FN3KRP: variants seen among roughly 807,000 people sequenced by gnomAD.
FN3KRP encodes the protein ketosamine-3-kinase.
FN3KRP carries 33 observed loss-of-function variants against 29.8 expected under a neutral mutation model. The observed-to-expected ratio is 1.11, with a 90% CI of 0.84 to 1.48. FN3KRP has a LOEUF of 1.48. FN3KRP is among the 40% of genes most tolerant of loss of function. FN3KRP has a pLI of 0.00. For missense variants in FN3KRP, 430 were observed against 402.6 expected (o/e 1.07, Z -0.58); for synonymous variants, 157 against 155.2 (o/e 1.01, Z -0.09).
rs1409982721 is a variant in FN3KRP at position 82,727,273 on chromosome 17, G to T, written c.*102G>T. ...GCTGGACTAGCTTAAGACCAATGCA[G>T]TAGCTTATTTCCAAGCCTTGCAAAG... is the stretch of plus-strand genomic sequence containing the variant. On this transcript the variant is annotated 3_prime_UTR_variant, in exon 6 of 6. Transcript: ENST00000269373. 2.0e-6 allele frequency: 2 copies of T among 1,019,260 alleles called. No homozygotes were observed. Among genetic ancestry groups the T allele is most frequent in the Non-Finnish European group, 2.9e-6 (2 of 685,590 alleles). 63.1% of individuals were successfully genotyped at this position (1,019,260 alleles called of 1,614,324 possible). A position where few individuals can be genotyped will look rare whatever the true frequency, so the allele number is the denominator to read the frequency against.
Position 82,720,317 on chromosome 17 carries a change from T to C in FN3KRP, c.339T>C (p.Asp113=), listed in dbSNP as rs1182310065. The change falls in exon 3 of 6, where the codon GAT becomes GAC. Residue 113 remains aspartate, a synonymous_variant. Coordinates refer to ENST00000269373, the MANE Select transcript of FN3KRP (RefSeq NM_024619.4). ...LGAQLADLHL[D]NKKLGEMRLK... ...CCCAGCTGGCCGATTTACACCTTGA[T>C]AACAAGAAGCTTGGAGAGATGCGCC... 4 of 1,614,072 alleles carry C rather than the reference T, an allele frequency of 2.5e-6. No homozygotes were observed. Among genetic ancestry groups the C allele is most frequent in the South Asian group, 1.1e-5 (1 of 91,082 alleles).
In FN3KRP at chr17:82,722,957, A is replaced by C. The variant is rs566764496; in HGVS notation, c.468+71A>C. ...TCAGACACACGGGTTGGGGGGACAC[A>C]CCCCCCTCCTTTTTTTGTGAGCTTC... On this transcript the variant is annotated intron_variant, in intron 4 of 5. Coordinates refer to ENST00000269373, the MANE Select transcript of FN3KRP (RefSeq NM_024619.4). 2.4e-5 allele frequency: 32 copies of C among 1,323,888 alleles called. No individual in the cohort carries two copies. In the South Asian group the frequency reaches 4.1e-4, roughly 17 times the overall value. The allele number at this position is 1,323,888 out of a possible 1,614,324, so 82.0% of individuals were successfully genotyped here.
At chr17:82,724,804 A>C (rs561912836) in intron 4 of FN3KRP, among the ~76,000 whole-genome samples, 6 of 151,880 alleles carry the variant, frequency 4.0e-5, no homozygotes, top group Non-Finnish European at 8.8e-5. Context: ...GGCAATGCCT[A>C]TCAAAAAAAA....
Position 82,718,963 on chromosome 17 carries a change from A to G in FN3KRP, c.199A>G (p.Thr67Ala). Residue 67 changes from threonine to alanine, a missense_variant, in exon 2 of 6, where the codon ACG becomes GCG. Thr to Ala is a moderately conservative substitution (Grantham distance 58, BLOSUM62 0). Coordinates refer to ENST00000269373, the MANE Select transcript of FN3KRP (RefSeq NM_024619.4). ...ASLTAILKTNTVKVPKPIKVL... is the reference protein window; with the variant it reads ...ASLTAILKTNAVKVPKPIKVL... ...TTTAACTGCCATCCTGAAAACAAAC[A>G]CGGTGAAAGTGCCCAAGCCCATCAA... The G allele has an allele frequency of 6.2e-7, 1 of 1,614,184 alleles. No individual in the cohort carries two copies. Among genetic ancestry groups the G allele is most frequent in the Non-Finnish European group, 8.5e-7 (1 of 1,180,022 alleles).
chr17:82,725,103 G>A (rs2046828069), intron 4 of FN3KRP, among the ~76,000 whole-genome samples: 2 of 151,470 alleles, frequency 1.3e-5, no homozygotes, highest in Admixed American at 6.6e-5. Flanking sequence ...GAGCCACCGT[G>A]CCTGGCCAAA....
At chr17:82,717,790 G>A (rs1421330680) in intron 1 of FN3KRP, among the ~76,000 whole-genome samples, 1 of 152,192 alleles carries the variant, frequency 6.6e-6, no homozygotes, top group Non-Finnish European at 1.5e-5. Flanking sequence ...CTGAGGAGGT[G>A]GGGACTCTGA....
At chr17:82,719,900 C>CA (rs2143608273) in intron 2 of FN3KRP, among the ~76,000 whole-genome samples, 1 of 152,342 alleles carries the variant, frequency 6.6e-6, no homozygotes, top group East Asian at 1.9e-4. Flanking sequence ...TGTGGTGGCT[C>CA]ACGCCTCTAA....
At chr17:82,717,294 C>A (rs1022997557) in intron 1 of FN3KRP, among the ~76,000 whole-genome samples, 5 of 152,208 alleles carry the variant, frequency 3.3e-5, no homozygotes, top group Non-Finnish European at 7.3e-5. Flanking sequence ...CTTAAGTCCT[C>A]AGCTTAAGTG....
At chr17:82,717,324 C>G (rs1034282578) in intron 1 of FN3KRP, among the ~76,000 whole-genome samples, 4 of 152,180 alleles carry the variant, frequency 2.6e-5, no homozygotes, top group Non-Finnish European at 5.9e-5. Context: ...GTGTCCATCC[C>G]CCGTGAGCCT....
Position 82,716,838 on chromosome 17 carries a change from G to T in FN3KRP, c.83G>T (p.Gly28Val), listed in dbSNP as rs758160781. 5 of 1,560,526 alleles carry T rather than the reference G, an allele frequency of 3.2e-6. No individual in the cohort carries two copies. The Admixed American group carries it at 9.8e-5, about 31-fold the overall frequency. The change falls in exon 1 of 6, where the codon GGC becomes GTC. Residue 28 changes from glycine to valine, a missense_variant. Gly to Val is a moderately radical substitution (Grantham distance 109). Transcript: ENST00000269373. The stretch of plus-strand genomic sequence containing the variant: ...TCGGGGGGCGGGTGCATCAGCCAGG[G>T]CCGGAGCTACGACACGGATCAAGGA... ...GHSGGGCISQGRSYDTDQGRV... is the reference protein window; with the variant it reads ...GHSGGGCISQVRSYDTDQGRV...
In FN3KRP at chr17:82,727,230, A is replaced by G; in HGVS notation, c.*59A>G. On this transcript the variant is annotated 3_prime_UTR_variant, in exon 6 of 6. Coordinates refer to ENST00000269373, the MANE Select transcript of FN3KRP (RefSeq NM_024619.4). ...TTCTCCACAGTCCTCTTCTGGGCAA[A>G]TTCTTGTTTCTTCACATGCTGGACT... 6.7e-7 allele frequency: 1 copy of G among 1,483,234 alleles called. No homozygotes were observed. The highest frequency in any genetic ancestry group is 9.2e-7 in the Non-Finnish European group (1 of 1,087,844). 91.9% of individuals were successfully genotyped at this position (1,483,234 alleles called of 1,614,324 possible).
At chr17:82,721,408 A>G (rs1046960503) in intron 3 of FN3KRP, among the ~76,000 whole-genome samples, 15 of 151,582 alleles carry the variant, frequency 9.9e-5, no homozygotes, top group African/African-American at 3.6e-4. Flanking sequence ...TCAAAGCACA[A>G]TAGTTTATCT....
intron 4 of FN3KRP, among the ~76,000 whole-genome samples, chr17:82,725,202 ACTGCAG>A (rs1307364311): frequency 6.6e-6 from 1 of 151,806 alleles, no homozygotes; most frequent in East Asian, 1.9e-4. Flanking sequence ...ATCATAGCTC[ACTGCAG>A]CCTCAAACTT....
At chr17:82,724,685 G>A (rs993367858) in intron 4 of FN3KRP, among the ~76,000 whole-genome samples, 13 of 152,232 alleles carry the variant, frequency 8.5e-5, no homozygotes, top group Admixed American at 3.9e-4. Context: ...AACCTGTAAA[G>A]GCCAAAAGTG....
rs1462191483 is a variant in FN3KRP at position 82,720,389 on chromosome 17, G to A, written c.385+26G>A. On this transcript the variant is annotated intron_variant, in intron 3 of 5. Transcript: ENST00000269373. ...GTATGGCACTGCGCGGGCCACGGGT[G>A]CTCCCGCCTAGAGGAGGACGTTCAG... is the stretch of plus-strand genomic sequence containing the variant. The A allele has an allele frequency of 3.8e-6, 6 of 1,583,984 alleles. No homozygotes were observed. In the Middle Eastern group the frequency reaches 6.0e-4, roughly 158 times the overall value.
chr17:82,716,788 C>G lies in FN3KRP; in HGVS notation c.33C>G (p.Cys11Trp), dbSNP rs573333278. ...AGCTCCTGAGGCGCGAGCTGGGCTG[C>G]AGCTCTGTCAGGGCCACGGGCCACT... Reference protein sequence around the residue: MEELLRRELGCSSVRATGHSG... With the variant: MEELLRRELGWSSVRATGHSG... Residue 11 changes from cysteine (C) to tryptophan (W), a missense_variant, in exon 1 of 6, where the codon TGC becomes TGG. Cys to Trp is a radical substitution (Grantham distance 215, BLOSUM62 -2). Coordinates refer to ENST00000269373, the MANE Select transcript of FN3KRP (RefSeq NM_024619.4). The G allele has an allele frequency of 1.3e-6, 2 of 1,541,804 alleles. No homozygotes were observed. Among genetic ancestry groups the G allele is most frequent in the Admixed American group, 2.2e-5 (1 of 45,204 alleles).
At chr17:82,721,111 G>C (rs1351400005) in intron 3 of FN3KRP, 1 of 152,226 alleles carries the variant, frequency 6.6e-6, no homozygotes, top group African/African-American at 2.4e-5. Context: ...TTTTGAGACG[G>C]AGTTTCACTC....
intron 3 of FN3KRP, among the ~76,000 whole-genome samples, chr17:82,721,312 T>A (rs1356988896): frequency 6.6e-6 from 1 of 152,022 alleles, no homozygotes; most frequent in Non-Finnish European, 1.5e-5. Flanking sequence ...GGTCTCAATC[T>A]CCTGACCTCA....
At chr17:82,720,402 G>A (rs777343562) in intron 3 of FN3KRP, 39 bp downstream of exon 3, 13 of 1,547,114 alleles carry the variant, frequency 8.4e-6, no homozygotes, top group Non-Finnish European at 1.2e-5. Context: ...CCCGCCTAGA[G>A]GAGGACGTTC....
Sources: allele counts gnomAD v4.1 joint callset (sites outside exome capture counted in the v4.1 genomes callset), GRCh38; gene constraint gnomAD v4.1.1; transcripts MANE v1.5; gene names NCBI Gene and HGNC (gene_info 2026-07-23, HGNC 2026-07-21).